Variants in SLC22A5 observed in about 807,000 individuals in gnomAD.
SLC22A5 encodes the protein organic cation/carnitine transporter 2.
SLC22A5 carries 44 observed loss-of-function variants against 56.7 expected under a neutral mutation model. The observed-to-expected ratio is 0.78, with a 90% CI of 0.61 to 1.00. The LOEUF (loss-of-function observed/expected upper bound fraction) is 1.00. Ranked by LOEUF, SLC22A5 falls within the 50% of genes least tolerant of loss-of-function variation. The pLI is 0.00. For synonymous variants in SLC22A5, 278 were observed against 292.1 expected, an observed-to-expected ratio of 0.95 and a Z score of 0.49; for missense variants, 675 against 723.0, an observed-to-expected ratio of 0.93 and a Z score of 0.76.
At chr5:132,378,662 C>T (rs1561567072) in intron 2 of SLC22A5, 181 bp downstream of exon 2, 11 of 624,864 alleles carry the variant, frequency 1.8e-5, no homozygotes, top group Middle Eastern at 4.3e-4. Flanking sequence ...AATCTGACTC[C>T]GTAATTCTTG....
At position 132,392,590 on chromosome 5, in the gene SLC22A5, C is replaced by G. The variant is rs1335927629; in HGVS notation, c.1425C>G (p.Ile475Met). 1 of 1,614,154 alleles carries G rather than the reference C, an allele frequency of 6.2e-7. No individual in the cohort carries two copies. Among genetic ancestry groups the G allele is most frequent in the Non-Finnish European group, 8.5e-7 (1 of 1,180,026 alleles). The change falls in exon 8 of 10, where the codon ATC becomes ATG. Residue 475 changes from isoleucine to methionine, a missense_variant. Physicochemically the swap from Ile to Met is conservative, Grantham distance 10. Transcript: ENST00000245407. ...CCACAGCATCCCGCCTGGGCAGCATCCTGTCTCCCTACTTCGTTTACCTTG... is the reference window on the plus strand; with the variant it reads ...CCACAGCATCCCGCCTGGGCAGCATGCTGTCTCCCTACTTCGTTTACCTTG... ...VSSTASRLGS[I>M]LSPYFVYLGA...
At chr5:132,384,959 A>G (rs764874379) in intron 3 of SLC22A5, among the ~76,000 whole-genome samples, 44 of 152,102 alleles carry the variant, frequency 2.9e-4, no homozygotes, top group Non-Finnish European at 5.1e-4. Context: ...TTTTCTTTTT[A>G]TATTTAATAT....
In SLC22A5 at chr5:132,392,497, C is replaced by T. The variant is rs769918856; in HGVS notation, c.1332C>T (p.Ser444=). 4 of 1,614,166 alleles carry T rather than the reference C, an allele frequency of 2.5e-6. No individual in the cohort carries two copies. In the South Asian group the frequency reaches 3.3e-5, roughly 13 times the overall value. The change falls in exon 8 of 10, where the codon TCC becomes TCT. Residue 444 remains serine, a synonymous_variant. Transcript: ENST00000245407. Reference sequence around the variant, plus strand: ...AGTTTGGAGTCACGGCTGCCTTTTCCATGGTCTACGTGTACACAGCCGAGC... The same window carrying T: ...AGTTTGGAGTCACGGCTGCCTTTTCTATGGTCTACGTGTACACAGCCGAGC... ...VGKFGVTAAF[S]MVYVYTAELY...
chr5:132,377,964 A>G lies in SLC22A5; in HGVS notation c.394-414A>G, dbSNP rs1580877468. ...TGGATGCTTTGGCCCGTAGAGCCCC[A>G]GAGCCCTGCTTCCAGAACCACTCCA... On this transcript the variant is annotated intron_variant, in intron 1 of 9. Coordinates refer to ENST00000245407, the MANE Select transcript of SLC22A5 (RefSeq NM_003060.4). The G allele has an allele frequency of 1.4e-5, 11 of 771,270 alleles. No homozygotes were observed. In the East Asian group the frequency reaches 2.8e-4, roughly 19 times the overall value. The allele number at this position is 771,270 out of a possible 1,614,324, so 47.8% of individuals were successfully genotyped here.
chr5:132,374,037 G>A (rs1396320741), intron 1 of SLC22A5, among the ~76,000 whole-genome samples: 1 of 152,044 alleles, frequency 6.6e-6, no homozygotes, highest in Non-Finnish European at 1.5e-5. Flanking sequence ...CCAACATGGT[G>A]AAACCTCGTA....
At chr5:132,384,043 T>A (rs1752437717) in intron 2 of SLC22A5, 104 bp from the exon 3 acceptor site, 3 of 1,156,678 alleles carry the variant, frequency 2.6e-6, no homozygotes, top group Non-Finnish European at 2.6e-6. Flanking sequence ...GCAACACTGT[T>A]CACACCCACT....
chr5:132,374,392 C>G (rs909457454), intron 1 of SLC22A5, among the ~76,000 whole-genome samples: 1 of 152,096 alleles, frequency 6.6e-6, no homozygotes, highest in African/African-American at 2.4e-5. Context: ...GACAGATAGT[C>G]TTAGAAGATG....
chr5:132,385,164 A>G (rs1297048489), intron 3 of SLC22A5, among the ~76,000 whole-genome samples, 164 bp from the exon 4 acceptor site: 2 of 152,228 alleles, frequency 1.3e-5, no homozygotes, highest in Admixed American at 6.5e-5. Flanking sequence ...CCCAGGAGAC[A>G]GTCAGACAGG....
chr5:132,372,442 C>T (rs73787193), intron 1 of SLC22A5, among the ~76,000 whole-genome samples: 1,811 of 152,274 alleles, frequency 0.012, 38 homozygotes, highest in African/African-American at 0.041. Context: ...GAGGGTTCCC[C>T]GGCTTACTCT....
At position 132,378,438 on chromosome 5, in the gene SLC22A5, G is replaced by C; in HGVS notation, c.454G>C (p.Gly152Arg). Residue 152 changes from glycine to arginine, a missense_variant, in exon 2 of 10, where the codon GGT becomes CGT. Transcript: ENST00000245407. ...ACTCACAATCTCCTTGTTCTTCGTG[G>C]GTGTGCTGTTGGGCTCCTTCATTTC... Reference protein sequence around the residue: ...APLTISLFFVGVLLGSFISGQ... With the variant: ...APLTISLFFVRVLLGSFISGQ... The C allele has an allele frequency of 6.2e-7, 1 of 1,614,204 alleles. No individual in the cohort carries two copies. The highest frequency in any genetic ancestry group is 8.5e-7 in the Non-Finnish European group (1 of 1,180,038).
chr5:132,374,214 C>T lies in SLC22A5; in HGVS notation c.393+3849C>T, dbSNP rs1260946626. Among the ~76,000 whole-genome samples the T allele has an allele frequency of 2.1e-5, 3 of 145,844 alleles. No individual in the cohort carries two copies. In the East Asian group the frequency reaches 6.3e-4, roughly 31 times the overall value. On this transcript the variant is annotated intron_variant, in intron 1 of 9. Transcript: ENST00000245407. ...AGCCTGGGTGACAAGAGCAAGACTC[C>T]GTCTCAAAAAAAAAAAAGAAAAAGA... is the stretch of plus-strand genomic sequence containing the variant.
In SLC22A5 at chr5:132,370,210, A is replaced by T; in HGVS notation, c.238A>T (p.Ser80Cys). ...RLRDGREVPHSCRRYRLATIA... is the reference protein window; with the variant it reads ...RLRDGREVPHCCRRYRLATIA... ...GCGGGACGGCCGCGAGGTGCCCCAC[A>T]GCTGCCGCCGCTACCGGCTCGCCAC... Residue 80 changes from serine to cysteine, a missense_variant, in exon 1 of 10, where the codon AGC becomes TGC. Coordinates refer to ENST00000245407, the MANE Select transcript of SLC22A5 (RefSeq NM_003060.4). 1 of 1,589,110 alleles carries T rather than the reference A, an allele frequency of 6.3e-7. No individual in the cohort carries two copies. The highest frequency in any genetic ancestry group is 8.6e-7 in the Non-Finnish European group (1 of 1,168,056).
intron 8 of SLC22A5, among the ~76,000 whole-genome samples, chr5:132,392,901 T>C (rs1261018730): frequency 6.6e-6 from 1 of 152,194 alleles, no homozygotes; most frequent in Non-Finnish European, 1.5e-5. Flanking sequence ...AATTCCTTTA[T>C]CCTAAGAACC....
intron 1 of SLC22A5, among the ~76,000 whole-genome samples, chr5:132,372,741 G>C (rs974862179): frequency 6.6e-6 from 1 of 152,176 alleles, no homozygotes; most frequent in African/African-American, 2.4e-5. Flanking sequence ...GTTCAGAGCT[G>C]CTTGTTCCCA....
Position 132,369,753 on chromosome 5 carries a change from C to A in SLC22A5, c.-220C>A. The A allele has an allele frequency of 2.0e-6, 1 of 502,242 alleles. No homozygotes were observed. The highest frequency in any genetic ancestry group is 3.5e-5 in the East Asian group (1 of 28,170). 31.1% of individuals were successfully genotyped at this position (502,242 alleles called of 1,614,324 possible). A position where few individuals can be genotyped will look rare whatever the true frequency, so the allele number is the denominator to read the frequency against. On this transcript the variant is annotated 5_prime_UTR_variant, in exon 1 of 10. Transcript: ENST00000245407. Reference sequence around the variant, plus strand: ...CTGCCTGCCAGCGGGGCGCGCCTTGCGGCCCAGGCCCGCAACCTTCCCTGG... The same window carrying A: ...CTGCCTGCCAGCGGGGCGCGCCTTGAGGCCCAGGCCCGCAACCTTCCCTGG...
intron 1 of SLC22A5, among the ~76,000 whole-genome samples, chr5:132,372,755 G>C (rs1015508556): frequency 6.6e-6 from 1 of 152,168 alleles, no homozygotes; most frequent in Admixed American, 6.5e-5. Context: ...GTTCCCAGGT[G>C]AACAGCTACT....
rs200950736 is a variant in SLC22A5 at position 132,395,229 on chromosome 5, A to G, written c.*957A>G. The G allele has an allele frequency of 9.8e-5, 5 of 51,244 alleles. No homozygotes were observed. The highest frequency in any genetic ancestry group is 1.2e-4 in the Non-Finnish European group (2 of 17,158). 3.2% of individuals were successfully genotyped at this position (51,244 alleles called of 1,614,324 possible). The stretch of plus-strand genomic sequence containing the variant: ...TTTGTGTCTTTTTTTTTTTTTTTTT[A>G]AAACAGAATCACTCTGGCAATTGTC... On this transcript the variant is annotated 3_prime_UTR_variant, in exon 10 of 10. Coordinates refer to ENST00000245407, the MANE Select transcript of SLC22A5 (RefSeq NM_003060.4).
At chr5:132,383,473 A>G (rs935102480) in intron 2 of SLC22A5, 1 of 155,100 alleles carries the variant, frequency 6.4e-6, no homozygotes, top group Non-Finnish European at 1.4e-5. Flanking sequence ...CATTTCCTCA[A>G]AATTGGCAGT....
chr5:132,381,146 C>T (rs2126778851), intron 2 of SLC22A5: 1 of 152,196 alleles, frequency 6.6e-6, no homozygotes, highest in Non-Finnish European at 1.5e-5. Context: ...AACCTTCTTG[C>T]CATGTGACAC....
Sources: gnomAD v4.1 joint callset for allele counts (sites outside exome capture counted in the v4.1 genomes callset) on GRCh38, gnomAD v4.1.1 for gene constraint, MANE v1.5 for transcripts, NCBI Gene and HGNC (gene_info 2026-07-23, HGNC 2026-07-21) for gene names.